Variants in VDAC1 observed in about 807,000 individuals in gnomAD.
VDAC1 encodes voltage dependent anion channel 1.
A neutral mutation model predicts 34.7 loss-of-function variants in VDAC1; 10 were observed. The ratio of observed to expected loss-of-function variants is 0.29; its 90% CI spans 0.18 to 0.49. The LOEUF (loss-of-function observed/expected upper bound fraction) is 0.49. VDAC1 is among the 20% of genes least tolerant of loss of function. The probability of loss-of-function intolerance (pLI) is 0.99; values close to 1 mark genes in which losing one functional copy is unlikely to be tolerated. For missense variants in VDAC1, 230 were observed against 347.9 expected (o/e 0.66, Z 2.69); for synonymous variants, 130 against 136.0 (o/e 0.96, Z 0.30).
chr5:134,067,555 A>C, the VDAC1 span, among the ~76,000 whole-genome samples: 2 of 150,428 alleles, frequency 1.3e-5, no homozygotes, highest in Non-Finnish European at 3.0e-5. Context: ...GCTACCTCAG[A>C]GGCAGATCCA....
chr5:133,975,756 G>A (rs1003367189), intron 7 of VDAC1, 115 bp downstream of exon 7: 5 of 1,497,690 alleles, frequency 3.3e-6, no homozygotes, highest in Middle Eastern at 2.5e-4. Flanking sequence ...ACGGCGCCCA[G>A]CAGCATCTCT....
At chr5:134,054,458 C>CTTTTTTTTTT in the VDAC1 span, among the ~76,000 whole-genome samples, 18 of 123,546 alleles carry the variant, frequency 1.5e-4, no homozygotes, top group Non-Finnish European at 1.1e-4. Flanking sequence ...TCCTTCCTTC[C>CTTTTTTTTTT]TTTTTTTTTT....
At chr5:134,087,671 A>C in the VDAC1 span, among the ~76,000 whole-genome samples, 1 of 151,290 alleles carries the variant, frequency 6.6e-6, no homozygotes, top group African/African-American at 2.4e-5. Context: ...CCTGACCAAC[A>C]TGGTGAAACC....
the VDAC1 span, among the ~76,000 whole-genome samples, chr5:134,085,379 C>T: frequency 1.3e-5 from 2 of 151,888 alleles, no homozygotes; most frequent in African/African-American, 4.8e-5. Context: ...GAGATGATCC[C>T]TCTTAAGAAA....
chr5:134,106,869 T>G, the VDAC1 span, among the ~76,000 whole-genome samples: 2 of 152,226 alleles, frequency 1.3e-5, no homozygotes, highest in Non-Finnish European at 2.9e-5. Context: ...CTTCCCATCT[T>G]TCTCCTTCCA....
the VDAC1 span, among the ~76,000 whole-genome samples, chr5:134,069,086 C>A: frequency 6.6e-6 from 1 of 150,740 alleles, no homozygotes; most frequent in Non-Finnish European, 1.5e-5. Context: ...AGACTCCCAC[C>A]CACACAGCCA....
chr5:134,054,178 T>C, the VDAC1 span, among the ~76,000 whole-genome samples: 1 of 152,220 alleles, frequency 6.6e-6, no homozygotes, highest in Admixed American at 6.5e-5. Context: ...CTCAGTGTGG[T>C]AATTTTTTGA....
At chr5:133,974,139 C>T (rs1752393342) in intron 7 of VDAC1, among the ~76,000 whole-genome samples, 1 of 152,142 alleles carries the variant, frequency 6.6e-6, no homozygotes. Flanking sequence ...TAATGAGGCT[C>T]CTTTTCTCTT....
Position 133,980,925 on chromosome 5 carries a change from T to C in VDAC1, c.355A>G (p.Lys119Glu). Residue 119 changes from lysine (K) to glutamate (E), a missense_variant, in exon 6 of 9, where the codon AAG becomes GAG. By Grantham distance (56) the Lys-to-Glu change is moderately conservative. Transcript: ENST00000265333. ...KKNAKIKTGY[K>E]REHINLGCDM... ...CAGCCCAGGTTAATGTGCTCCCGCT[T>C]GTACCCTGTCTTGATTTTAGCATTT... 2 of 1,614,102 alleles carry C rather than the reference T, an allele frequency of 1.2e-6. No individual in the cohort carries two copies. Among genetic ancestry groups the C allele is most frequent in the Non-Finnish European group, 1.7e-6 (2 of 1,180,028 alleles).
the VDAC1 span, among the ~76,000 whole-genome samples, chr5:134,055,000 C>T: frequency 6.6e-6 from 1 of 152,342 alleles, no homozygotes; most frequent in East Asian, 1.9e-4. Context: ...ATTGTTCAGT[C>T]ATATGTCGAT....
the VDAC1 span, among the ~76,000 whole-genome samples, chr5:134,014,214 G>C: frequency 2.0e-5 from 3 of 149,478 alleles, no homozygotes; most frequent in African/African-American, 7.4e-5. Context: ...ACTTGAATCC[G>C]GGGCGGTGGA....
chr5:133,995,053 T>G (rs1339815914), intron 1 of VDAC1, among the ~76,000 whole-genome samples: 2 of 152,012 alleles, frequency 1.3e-5, no homozygotes, highest in Non-Finnish European at 2.9e-5. Flanking sequence ...CCAAATGCCC[T>G]CTCTCATCGC....
chr5:134,111,798 T>C, the VDAC1 span, among the ~76,000 whole-genome samples: 1 of 152,108 alleles, frequency 6.6e-6, no homozygotes, highest in South Asian at 2.1e-4. Flanking sequence ...TAGAGTGTGA[T>C]AGTTAGGATG....
rs778466312 is a variant in VDAC1, at chr5:133,975,872, G to A, written c.701C>T (p.Ser234Leu). ...ATGCGTGATTCCACAGATACCCACC[G>A]AGAAGCAGGCGTCAGGGTCAATCTG... The part of the protein sequence containing the change: ...KYQIDPDACF[S>L]AKVNNSSLIG... The change falls in exon 7 of 9, where the codon TCG (serine) becomes TTG (leucine). Residue 234 changes from serine (S) to leucine (L), a missense_variant and splice_region_variant. Coordinates refer to ENST00000265333, the MANE Select transcript of VDAC1 (RefSeq NM_003374.3). 14 of 1,611,736 alleles carry A rather than the reference G, an allele frequency of 8.7e-6. No individual in the cohort carries two copies. Among genetic ancestry groups the A allele is most frequent in the East Asian group, 2.2e-5 (1 of 44,874 alleles).
chr5:134,079,359 A>G, the VDAC1 span, among the ~76,000 whole-genome samples: 12 of 152,214 alleles, frequency 7.9e-5, no homozygotes, highest in Non-Finnish European at 1.2e-4. Flanking sequence ...GTGAGGAGAG[A>G]GTGGCATCAC....
At chr5:134,055,588 G>GTTTTT in the VDAC1 span, among the ~76,000 whole-genome samples, 79 of 59,604 alleles carry the variant, frequency 1.3e-3, 9 homozygotes, top group African/African-American at 3.7e-3. Context: ...CCCCGCTAAT[G>GTTTTT]TTTTTTTTTT....
chr5:134,107,117 A>AC, the VDAC1 span, among the ~76,000 whole-genome samples: 1 of 152,096 alleles, frequency 6.6e-6, no homozygotes, highest in African/African-American at 2.4e-5. Flanking sequence ...AGGTGTCCAA[A>AC]CCTTTGCCCT....
chr5:134,020,311 T>C, the VDAC1 span, among the ~76,000 whole-genome samples: 1 of 151,796 alleles, frequency 6.6e-6, no homozygotes, highest in Non-Finnish European at 1.5e-5. Flanking sequence ...ACCCAACCTG[T>C]TACAAAACAG....
At chr5:134,092,914 G>A in the VDAC1 span, among the ~76,000 whole-genome samples, 1 of 152,342 alleles carries the variant, frequency 6.6e-6, no homozygotes, top group Admixed American at 6.5e-5. Context: ...GACCAGCGGA[G>A]CTGCTAGAAT....
Sources: allele counts gnomAD v4.1 joint callset (sites outside exome capture counted in the v4.1 genomes callset), GRCh38; gene constraint gnomAD v4.1.1; transcripts MANE v1.5; gene names NCBI Gene and HGNC (gene_info 2026-07-23, HGNC 2026-07-21).